PIKFYVE: variants seen among roughly 807,000 people sequenced by gnomAD.
The protein encoded by PIKFYVE is phosphoinositide kinase, FYVE-type zinc finger containing, also known as 1-phosphatidylinositol 3-phosphate 5-kinase.
Under a neutral mutation model 257.9 loss-of-function variants are expected in PIKFYVE, and 122 were observed. The observed-to-expected ratio is 0.47, with a 90% CI of 0.41 to 0.55. The LOEUF is 0.55. Among genes scored for constraint, PIKFYVE ranks in the 20% least tolerant of loss-of-function variants. PIKFYVE has a pLI of 0.00. For missense variants in PIKFYVE, 2,160 were observed against 2,536.6 expected (o/e 0.85, Z 3.19); for synonymous variants, 892 against 868.9 (o/e 1.03, Z -0.47).
intron 2 of PIKFYVE, 29 bp from the exon 3 acceptor site, chr2:208,273,555 A>G (rs201332623): frequency 2.9e-5 from 46 of 1,613,826 alleles, no homozygotes; most frequent in Non-Finnish European, 3.6e-5. Flanking sequence ...CTCAGTCTTT[A>G]AATAATGCCA....
chr2:208,344,203 G>C (rs1280366753), intron 32 of PIKFYVE, among the ~76,000 whole-genome samples: 1 of 152,074 alleles, frequency 6.6e-6, no homozygotes, highest in Non-Finnish European at 1.5e-5. Context: ...CCACTGGAAG[G>C]CATTACAGTT....
At chr2:208,270,743 A>G (rs1390708266) in intron 1 of PIKFYVE, among the ~76,000 whole-genome samples, 1 of 152,128 alleles carries the variant, frequency 6.6e-6, no homozygotes, top group African/African-American at 2.4e-5. Flanking sequence ...TTTAAAATAT[A>G]AAAGTTGAGG....
intron 35 of PIKFYVE, among the ~76,000 whole-genome samples, chr2:208,348,599 A>AGTGTGTGTGTGTGTGT (rs35997291): frequency 0.029 from 3,763 of 128,852 alleles, 80 homozygotes; most frequent in Non-Finnish European, 0.039. Flanking sequence ...AAAAAAAAAA[A>AGTGTGTGTGTGTGTGT]GTGTGTGTGT....
chr2:208,341,967 CATTGT>C (rs1349050450), intron 31 of PIKFYVE, among the ~76,000 whole-genome samples: 1 of 151,352 alleles, frequency 6.6e-6, no homozygotes, highest in Non-Finnish European at 1.5e-5. Flanking sequence ...TTTTTTTCGC[CATTGT>C]ATTGTTAACA....
intron 1 of PIKFYVE, among the ~76,000 whole-genome samples, chr2:208,266,784 C>A (rs1438083032): frequency 6.6e-6 from 1 of 152,198 alleles, no homozygotes; most frequent in Non-Finnish European, 1.5e-5. Context: ...TTGTCAGAGG[C>A]GCATCCGTAG....
At chr2:208,340,780 A>G (rs1698620198) in intron 31 of PIKFYVE, among the ~76,000 whole-genome samples, 1 of 152,138 alleles carries the variant, frequency 6.6e-6, no homozygotes, top group African/African-American at 2.4e-5. Flanking sequence ...GTGTCCTGTG[A>G]TGTAGAATAA....
chr2:208,350,186 T>G (rs1574760538), intron 36 of PIKFYVE, 103 bp downstream of exon 36: 2 of 1,505,862 alleles, frequency 1.3e-6, no homozygotes, highest in Non-Finnish European at 1.8e-6. Context: ...ATGTCCCAGT[T>G]CTTGAAATGA....
chr2:208,299,029 A>G (rs1693347016), intron 8 of PIKFYVE, among the ~76,000 whole-genome samples: 1 of 151,740 alleles, frequency 6.6e-6, no homozygotes, highest in Non-Finnish European at 1.5e-5. Flanking sequence ...TAGTAGAGAC[A>G]TGGTTTCGCC....
Position 208,312,285 on chromosome 2 carries a change from T to C in PIKFYVE, c.1686T>C (p.Ala562=). 1 of 1,609,102 alleles carries C rather than the reference T, an allele frequency of 6.2e-7. No individual in the cohort carries two copies. The highest frequency in any genetic ancestry group is 8.5e-7 in the Non-Finnish European group (1 of 1,176,490). Residue 562 remains alanine, a synonymous_variant, in exon 13 of 42, where the codon GCT becomes GCC. Transcript: ENST00000264380. The stretch of plus-strand genomic sequence containing the variant: ...GACAACAGCTCTCAATAAGTGACGC[T>C]TTCATCAAAGGTAATTTTATAAAAA... ...TGGQQLSISD[A]FIKESLFNRR...
At chr2:208,289,493 G>A (rs1692013602) in intron 7 of PIKFYVE, among the ~76,000 whole-genome samples, 1 of 152,034 alleles carries the variant, frequency 6.6e-6, no homozygotes, top group African/African-American at 2.4e-5. Context: ...GCGGTGGTGT[G>A]ATCTCAGCTC....
intron 12 of PIKFYVE, among the ~76,000 whole-genome samples, chr2:208,310,866 T>G (rs908464480): frequency 4.6e-5 from 7 of 152,136 alleles, no homozygotes; most frequent in African/African-American, 1.7e-4. Flanking sequence ...TTGGAGACAG[T>G]TGGATAAACT....
intron 32 of PIKFYVE, among the ~76,000 whole-genome samples, chr2:208,343,674 GA>G (rs1698942464): frequency 6.6e-6 from 1 of 152,188 alleles, no homozygotes; most frequent in Non-Finnish European, 1.5e-5. Flanking sequence ...TGAAACCATG[GA>G]AAGTGAAACT....
At chr2:208,309,807 G>A (rs1559099018) in intron 12 of PIKFYVE, among the ~76,000 whole-genome samples, 1 of 152,178 alleles carries the variant, frequency 6.6e-6, no homozygotes, top group Non-Finnish European at 1.5e-5. Flanking sequence ...ATTGGGTGAT[G>A]CGTTATATAG....
Position 208,350,097 on chromosome 2 carries a change from A to G in PIKFYVE, c.5434+14A>G. On this transcript the variant is annotated intron_variant, in intron 36 of 41. Transcript: ENST00000264380. ...ATGTGGAACTTCGTAAGTATGAGATATTATATCATTGGTTTGGGGAGAGGG... is the reference window on the plus strand; with the variant it reads ...ATGTGGAACTTCGTAAGTATGAGATGTTATATCATTGGTTTGGGGAGAGGG... The G allele has an allele frequency of 6.2e-7, 1 of 1,612,158 alleles. No homozygotes were observed. Among genetic ancestry groups the G allele is most frequent in the Non-Finnish European group, 8.5e-7 (1 of 1,178,722 alleles).
intron 23 of PIKFYVE, among the ~76,000 whole-genome samples, chr2:208,332,733 C>T (rs1268292139): frequency 6.6e-6 from 1 of 151,556 alleles, no homozygotes; most frequent in Non-Finnish European, 1.5e-5. Context: ...GTGTGTGTGT[C>T]CATGTATGTA....
chr2:208,279,868 A>G (rs1340727143), intron 5 of PIKFYVE, among the ~76,000 whole-genome samples: 2 of 152,346 alleles, frequency 1.3e-5, no homozygotes, highest in East Asian at 3.9e-4. Flanking sequence ...AAAAATTCAT[A>G]TAGAACCAAA....
intron 3 of PIKFYVE, chr2:208,274,043 G>A: frequency 6.2e-7 from 1 of 1,612,160 alleles, no homozygotes; most frequent in Non-Finnish European, 8.5e-7. Context: ...AACATCCCCA[G>A]GAGAACACAG....
intron 32 of PIKFYVE, among the ~76,000 whole-genome samples, chr2:208,343,554 A>G (rs1016346034): frequency 2.0e-5 from 3 of 152,046 alleles, no homozygotes; most frequent in Non-Finnish European, 2.9e-5. Context: ...AACAACAACA[A>G]TAAGATAGGA....
At chr2:208,274,623 G>A (rs577862499) in intron 3 of PIKFYVE, among the ~76,000 whole-genome samples, 1 of 152,312 alleles carries the variant, frequency 6.6e-6, no homozygotes, top group East Asian at 1.9e-4. Context: ...CTGGCACAGA[G>A]CTGGCTGCAT....
Sources: gnomAD v4.1 joint callset for allele counts (sites outside exome capture counted in the v4.1 genomes callset) on GRCh38, gnomAD v4.1.1 for gene constraint, MANE v1.5 for transcripts, NCBI Gene and HGNC (gene_info 2026-07-23, HGNC 2026-07-21) for gene names.